Variants in TECPR1 observed in about 807,000 individuals in gnomAD.
TECPR1 encodes tectonin beta-propeller repeat containing 1.
TECPR1 carries 122 observed loss-of-function variants against 162.4 expected under a neutral mutation model. The ratio of observed to expected loss-of-function variants is 0.75; its 90% CI spans 0.65 to 0.87. The LOEUF (loss-of-function observed/expected upper bound fraction) is 0.87, where lower values mean the gene tolerates loss of function less well. Ranked by LOEUF, TECPR1 falls within the 40% of genes least tolerant of loss-of-function variation. TECPR1 has a pLI of 0.00. For synonymous variants in TECPR1, 642 were observed against 670.6 expected, an observed-to-expected ratio of 0.96 and a Z score of 0.66; for missense variants, 1,432 against 1,618.2, an observed-to-expected ratio of 0.88 and a Z score of 1.97.
At chr7:98,223,936 T>C (rs1033908740) in intron 19 of TECPR1, among the ~76,000 whole-genome samples, 11 of 152,114 alleles carry the variant, frequency 7.2e-5, no homozygotes, top group Non-Finnish European at 1.3e-4. Context: ...CCTGGGGACC[T>C]GCAGGGAGGG....
At chr7:98,236,345 C>T (rs1448181823) in intron 10 of TECPR1, among the ~76,000 whole-genome samples, 1 of 152,202 alleles carries the variant, frequency 6.6e-6, no homozygotes, top group South Asian at 2.1e-4. Flanking sequence ...CTGCTGCAGG[C>T]TGGGCAGAGA....
At chr7:98,228,208 G>A (rs1389858160) in intron 16 of TECPR1, 92 bp from the exon 17 acceptor site, 26 of 1,013,044 alleles carry the variant, frequency 2.6e-5, no homozygotes, top group African/African-American at 9.6e-5. Flanking sequence ...CCAGAGAGAC[G>A]GGGAGGGCGG....
Position 98,239,780 on chromosome 7 carries a change from C to T in TECPR1, c.933+1071G>A, listed in dbSNP as rs117925485. Among the ~76,000 whole-genome samples, 98 of 152,024 alleles carry T rather than the reference C, an allele frequency of 6.4e-4. 2 individuals carry two copies. The East Asian group carries it at 0.018, about 28-fold the overall frequency. ...TGCAGACGTGTGGGCCGTCCATCCC[C>T]CGGGCCAGGGAAACCCCCTTGACAA... On this transcript the variant is annotated intron_variant, in intron 8 of 25. Coordinates refer to ENST00000447648, the MANE Select transcript of TECPR1 (RefSeq NM_015395.3).
In TECPR1 at chr7:98,222,483, G is replaced by C. The variant is rs1402061811; in HGVS notation, c.2967C>G (p.Phe989Leu). ...AGCAGGCCCCGATGGAGATGGAGGC[G>C]AAGGGCTGGTCGGTGCCAACGTGCA... is the stretch of plus-strand genomic sequence containing the variant. ...SWLHVGTDQP[F>L]ASISIGACYQ... is the part of the protein sequence containing the mutation. The change falls in exon 22 of 26, where the codon TTC becomes TTG. Residue 989 changes from phenylalanine (F) to leucine (L), a missense_variant. Phe to Leu is a conservative substitution (Grantham distance 22). Transcript: ENST00000447648. 1.9e-6 allele frequency: 3 copies of C among 1,593,576 alleles called. No homozygotes were observed. The highest frequency in any genetic ancestry group is 2.3e-5 in the East Asian group (1 of 43,946).
At chr7:98,243,264 T>G (rs1418632408) in intron 6 of TECPR1, among the ~76,000 whole-genome samples, 1 of 149,822 alleles carries the variant, frequency 6.7e-6, no homozygotes, top group African/African-American at 2.5e-5. Context: ...GAAACTGTCT[T>G]GAGGAGGCCG....
At chr7:98,228,538 C>T (rs1250009884) in intron 16 of TECPR1, 2 of 230,574 alleles carry the variant, frequency 8.7e-6, no homozygotes, top group Admixed American at 9.7e-5. Context: ...TCATTCCTGC[C>T]TCACACACAG....
rs74440117 is a variant in TECPR1, at chr7:98,233,840, G to A, written c.1253C>T (p.Ser418Leu). 4.5e-3 allele frequency: 7,148 copies of A among 1,585,770 alleles called. 125 individuals carry two copies. The African/African-American group carries it at 0.05, about 11-fold the overall frequency. Residue 418 changes from serine to leucine, a missense_variant, in exon 11 of 26, where the codon TCG becomes TTG. Coordinates refer to ENST00000447648, the MANE Select transcript of TECPR1 (RefSeq NM_015395.3). Reference sequence around the variant, plus strand: ...GCCAGGCCCTGGTCTCTCGACTTCCGAGGAGGCATCGGTGTCGCTGGGGGC... The same window carrying A: ...GCCAGGCCCTGGTCTCTCGACTTCCAAGGAGGCATCGGTGTCGCTGGGGGC... Reference protein sequence around the residue: ...ESAPSDTDASSEVERPGPGQI... With the variant: ...ESAPSDTDASLEVERPGPGQI...
At chr7:98,218,069 AG>A in intron 23 of TECPR1, 27 bp from the exon 24 acceptor site, 1 of 1,533,354 alleles carries the variant, frequency 6.5e-7, no homozygotes, top group Non-Finnish European at 8.8e-7. Flanking sequence ...TGAGGGTCAA[AG>A]GGGAAGACCT....
chr7:98,247,953 T>G (rs1226522405), intron 2 of TECPR1, among the ~76,000 whole-genome samples: 2 of 152,174 alleles, frequency 1.3e-5, no homozygotes, highest in African/African-American at 2.4e-5. Context: ...CTTGAACTCC[T>G]GGCCTCAAGC....
intron 10 of TECPR1, among the ~76,000 whole-genome samples, chr7:98,235,844 A>C (rs1359586565): frequency 7.2e-6 from 1 of 139,370 alleles, no homozygotes; most frequent in South Asian, 2.2e-4. Context: ...AAAAAAAAAA[A>C]AAAAAAACAC....
intron 9 of TECPR1, among the ~76,000 whole-genome samples, chr7:98,237,501 C>T (rs1236764237): frequency 2.0e-5 from 3 of 152,160 alleles, no homozygotes; most frequent in African/African-American, 7.2e-5. Context: ...TGGAGTCTTG[C>T]TCTGTCACCC....
At chr7:98,251,919 C>A (rs2116649850) in intron 1 of TECPR1, 1 of 152,428 alleles carries the variant, frequency 6.6e-6, no homozygotes, top group Non-Finnish European at 1.5e-5. Flanking sequence ...GGCAACTTCG[C>A]TAGCCTGTGG....
chr7:98,236,808 C>T lies in TECPR1; in HGVS notation c.1149G>A (p.Arg383=). The T allele has an allele frequency of 1.3e-6, 2 of 1,590,194 alleles. No individual in the cohort carries two copies. The highest frequency in any genetic ancestry group is 1.4e-5 in the African/African-American group (1 of 71,892). The stretch of plus-strand genomic sequence containing the variant: ...GACTAGACGAGCTGCCAGAGTGTGA[C>T]CGGTCACACTCTCGGGCCGCGATGA... ...KAIIAARECD[R]SHSGSSSSLL... The change falls in exon 10 of 26, where the codon CGG becomes CGA. Residue 383 remains arginine (R), a synonymous_variant. Coordinates refer to ENST00000447648, the MANE Select transcript of TECPR1 (RefSeq NM_015395.3).
At chr7:98,223,935 C>A (rs1355117982) in intron 19 of TECPR1, among the ~76,000 whole-genome samples, 2 of 152,160 alleles carry the variant, frequency 1.3e-5, no homozygotes, top group Non-Finnish European at 2.9e-5. Flanking sequence ...CCCTGGGGAC[C>A]TGCAGGGAGG....
At chr7:98,233,159 G>T (rs1798494967) in intron 11 of TECPR1, 187 bp from the exon 12 acceptor site, 1 of 812,738 alleles carries the variant, frequency 1.2e-6, no homozygotes, top group Non-Finnish European at 1.8e-6. Context: ...CTGGAAAGCA[G>T]CCACCACCGC....
Position 98,241,257 on chromosome 7 carries a change from A to G in TECPR1, c.658-13T>C. The stretch of plus-strand genomic sequence containing the variant: ...CTCTGTACCACACCTGGGAGGCAAG[A>G]CAGGGACACAGCACCTGCATCAACT... On this transcript the variant is annotated splice_polypyrimidine_tract_variant and intron_variant, in intron 6 of 25. Transcript: ENST00000447648. This position sits in a 1 kb window ranked among gnomAD's most constrained non-coding sequence, Gnocchi z 5.0. 6.2e-7 allele frequency: 1 copy of G among 1,611,810 alleles called. No homozygotes were observed. Among genetic ancestry groups the G allele is most frequent in the Non-Finnish European group, 8.5e-7 (1 of 1,179,502 alleles).
At position 98,217,102 on chromosome 7, in the gene TECPR1, AGGGGAAGGGAAGGGTGGGAGG is replaced by A; in HGVS notation, c.*267_*287del. The A allele has an allele frequency of 3.0e-6, 1 of 327,924 alleles. No individual in the cohort carries two copies. The highest frequency in any genetic ancestry group is 5.5e-6 in the Non-Finnish European group (1 of 182,936). 20.3% of individuals were successfully genotyped at this position (327,924 alleles called of 1,614,324 possible). A position where few individuals can be genotyped will look rare whatever the true frequency, so the allele number is the denominator to read the frequency against. ...CTAGTCCTGGAAAGGCAGAAGGGAGAGGGGAAGGGAAGGGTGGGAGGGGCCTCTGGGAGGTGCAGCCCCACC... is the reference window on the plus strand; with the variant it reads ...CTAGTCCTGGAAAGGCAGAAGGGAGAGGCCTCTGGGAGGTGCAGCCCCACC... On this transcript the variant is annotated 3_prime_UTR_variant, in exon 26 of 26. Transcript: ENST00000447648.
chr7:98,238,370 T>C, intron 9 of TECPR1, 139 bp downstream of exon 9: 1 of 720,524 alleles, frequency 1.4e-6, no homozygotes, highest in Non-Finnish European at 2.4e-6. Context: ...GCCTGGCACC[T>C]CAGAAAGAAC....
At chr7:98,227,698 T>C (rs1020554539) in intron 17 of TECPR1, among the ~76,000 whole-genome samples, 1 of 151,520 alleles carries the variant, frequency 6.6e-6, no homozygotes, top group Non-Finnish European at 1.5e-5. Flanking sequence ...GCCAGGCGCC[T>C]GTAATCCCAG....
Sources: gnomAD v4.1 joint callset for allele counts (sites outside exome capture counted in the v4.1 genomes callset) on GRCh38, gnomAD v4.1.1 for gene constraint, Gnocchi (gnomAD v3.1) non-coding constraint, MANE v1.5 for transcripts, NCBI Gene and HGNC (gene_info 2026-07-23, HGNC 2026-07-21) for gene names.